MYH15: variants seen among roughly 807,000 people sequenced by gnomAD.
MYH15 encodes the protein myosin heavy chain 15.
A neutral mutation model predicts 240.5 loss-of-function variants in MYH15; 227 were observed. The observed-to-expected ratio is 0.94, with a 90% CI of 0.85 to 1.05. The LOEUF (loss-of-function observed/expected upper bound fraction) is 1.05. MYH15 is among the 50% of genes least tolerant of loss of function. The pLI is 0.00. For synonymous variants in MYH15, 785 were observed against 796.7 expected (o/e 0.99, Z 0.25); for missense variants, 2,217 against 2,247.5 (o/e 0.99, Z 0.27).
intron 1 of MYH15, among the ~76,000 whole-genome samples, chr3:108,508,660 C>T (rs1171246427): frequency 6.6e-6 from 1 of 152,100 alleles, no homozygotes; most frequent in Non-Finnish European, 1.5e-5. Flanking sequence ...TCAGAGATAA[C>T]CACTGTTATG....
At chr3:108,468,857 T>C (rs1046030980) in intron 14 of MYH15, among the ~76,000 whole-genome samples, 2 of 152,176 alleles carry the variant, frequency 1.3e-5, no homozygotes, top group Non-Finnish European at 2.9e-5. Context: ...TAGGTGACAA[T>C]CGCCAGAAGA....
intron 38 of MYH15, among the ~76,000 whole-genome samples, chr3:108,387,826 A>C (rs990121175): frequency 1.3e-5 from 2 of 152,218 alleles, no homozygotes; most frequent in African/African-American, 2.4e-5. Context: ...GAACCGCTTA[A>C]TAATAAAAGA....
Position 108,388,993 on chromosome 3 carries a change from A to G in MYH15, c.5512T>C (p.Cys1838Arg). The G allele has an allele frequency of 1.9e-6, 3 of 1,613,718 alleles. No homozygotes were observed. The highest frequency in any genetic ancestry group is 4.5e-5 in the East Asian group (2 of 44,842). ...ACCTGATAGGTCAGCTCTTTGATGC[A>G]TCGCTCAAGTCTGCGGGCTCCCCTC... ...AQRGARRLER[C>R]IKELTYQAEE... The change falls in exon 38 of 41, where the codon TGC becomes CGC. Residue 1838 changes from cysteine to arginine, a missense_variant. By Grantham distance (180) the Cys-to-Arg change is radical. Coordinates refer to ENST00000693548, the MANE Select transcript of MYH15 (RefSeq NM_014981.3).
chr3:108,492,164 A>G (rs928146905), intron 9 of MYH15, among the ~76,000 whole-genome samples: 17 of 151,476 alleles, frequency 1.1e-4, no homozygotes, highest in African/African-American at 3.4e-4. Context: ...TATACCACCC[A>G]TGTAGCTCTA....
the MYH15 span, among the ~76,000 whole-genome samples, chr3:108,540,005 A>G: frequency 6.6e-6 from 1 of 152,206 alleles, no homozygotes; most frequent in Non-Finnish European, 1.5e-5. Context: ...CACACAAAAT[A>G]AAATGTATCT....
In MYH15 at chr3:108,470,217, A is replaced by C. The variant is rs764959126; in HGVS notation, c.1384-5T>G. On this transcript the variant is annotated splice_region_variant and splice_polypyrimidine_tract_variant and intron_variant, in intron 13 of 40. Coordinates refer to ENST00000693548, the MANE Select transcript of MYH15 (RefSeq NM_014981.3). ...AAGTTGCTCAAGGCTATTATACTTC[A>C]AGGATATGAATAGGTAAGAAGAAGA... 3 of 1,587,306 alleles carry C rather than the reference A, an allele frequency of 1.9e-6. No individual in the cohort carries two copies. In the South Asian group the frequency reaches 3.4e-5, roughly 18 times the overall value.
At chr3:108,403,496 CT>C (rs34668097) in intron 33 of MYH15, among the ~76,000 whole-genome samples, 74,665 of 133,224 alleles carry the variant, frequency 0.56, 20,865 homozygotes, top group East Asian at 0.98. Context: ...TTGTGTTTGG[CT>C]TTTTTTTTTT....
intron 21 of MYH15, among the ~76,000 whole-genome samples, chr3:108,453,788 T>C (rs2082995733): frequency 6.6e-6 from 1 of 152,208 alleles, no homozygotes; most frequent in African/African-American, 2.4e-5. Flanking sequence ...CCTGAAAGCA[T>C]GACAAGAAAT....
chr3:108,507,522 T>G (rs561563756), intron 1 of MYH15, among the ~76,000 whole-genome samples: 1 of 152,236 alleles, frequency 6.6e-6, no homozygotes, highest in African/African-American at 2.4e-5. Flanking sequence ...CAGGTGGTCC[T>G]TATTTCCCAG....
intron 3 of MYH15, among the ~76,000 whole-genome samples, chr3:108,501,023 C>T (rs2083432921): frequency 6.6e-6 from 1 of 152,182 alleles, no homozygotes; most frequent in South Asian, 2.1e-4. Flanking sequence ...GACTTCTGGC[C>T]TCCAGCATTG....
the MYH15 span, among the ~76,000 whole-genome samples, chr3:108,540,318 T>C: frequency 6.6e-6 from 1 of 152,210 alleles, no homozygotes; most frequent in Non-Finnish European, 1.5e-5. Flanking sequence ...TGACCTACCA[T>C]GTTCCCTTTC....
In MYH15 at chr3:108,441,070, A is replaced by C; in HGVS notation, c.2846T>G (p.Leu949Arg). 1 of 1,614,176 alleles carries C rather than the reference A, an allele frequency of 6.2e-7. No homozygotes were observed. Among genetic ancestry groups the C allele is most frequent in the Non-Finnish European group, 8.5e-7 (1 of 1,180,008 alleles). Reference sequence around the variant, plus strand: ...CTCTGACTTCACCAACATTGTTTCCAGGTCATCGATTTCTTTCTTCAACTC... The same window carrying C: ...CTCTGACTTCACCAACATTGTTTCCCGGTCATCGATTTCTTTCTTCAACTC... ...CFELKKEIDDLETMLVKSEKE... is the reference protein window; with the variant it reads ...CFELKKEIDDRETMLVKSEKE... Residue 949 changes from leucine to arginine, a missense_variant, in exon 23 of 41, where the codon CTG (leucine) becomes CGG (arginine). Coordinates refer to ENST00000693548, the MANE Select transcript of MYH15 (RefSeq NM_014981.3).
Position 108,476,441 on chromosome 3 carries a change from T to C in MYH15, c.1189A>G (p.Lys397Glu), listed in dbSNP as rs761679187. The C allele has an allele frequency of 6.2e-7, 1 of 1,613,362 alleles. No homozygotes were observed. The highest frequency in any genetic ancestry group is 8.5e-7 in the Non-Finnish European group (1 of 1,179,446). ...CTGGTAACATATTCGTTACCAACTT[T>C]GATTCTAGGATGGATCAAGCACTTT... ...LVKCLIHPRI[K>E]VGNEYVTRGQ... Residue 397 changes from lysine to glutamate, a missense_variant, in exon 12 of 41, where the codon AAA becomes GAA. Lys to Glu is a moderately conservative substitution (Grantham distance 56). Coordinates refer to ENST00000693548, the MANE Select transcript of MYH15 (RefSeq NM_014981.3).
chr3:108,519,233 A>G (rs544364140), intron 1 of MYH15, among the ~76,000 whole-genome samples: 4 of 152,328 alleles, frequency 2.6e-5, no homozygotes, highest in East Asian at 3.9e-4. Flanking sequence ...TTTGTGGTTC[A>G]AAAGAAGTAT....
At chr3:108,512,593 G>A (rs2083529866), upstream of MYH15, among the ~76,000 whole-genome samples, 1 of 152,210 alleles carries the variant, frequency 6.6e-6, no homozygotes, top group South Asian at 2.1e-4. Context: ...GTCTGTCTGA[G>A]TAGTGAGAGA....
intron 35 of MYH15, among the ~76,000 whole-genome samples, chr3:108,397,633 T>C (rs2107539968): frequency 6.6e-6 from 1 of 152,332 alleles, no homozygotes; most frequent in South Asian, 2.1e-4. Context: ...TAGATGTTTG[T>C]CCTAGAAACT....
chr3:108,449,271 A>G (rs1434760806), intron 21 of MYH15, among the ~76,000 whole-genome samples: 1 of 152,022 alleles, frequency 6.6e-6, no homozygotes, highest in Non-Finnish European at 1.5e-5. Flanking sequence ...TGGAACCACA[A>G]AAGACCTCAA....
At chr3:108,435,981 C>T (rs1460947125) in intron 25 of MYH15, among the ~76,000 whole-genome samples, 1 of 151,764 alleles carries the variant, frequency 6.6e-6, no homozygotes, top group Non-Finnish European at 1.5e-5. Flanking sequence ...ACATTGAGTT[C>T]ATTAGTGCAA....
At chr3:108,466,863 T>C (rs1441904753) in intron 14 of MYH15, among the ~76,000 whole-genome samples, 1 of 152,192 alleles carries the variant, frequency 6.6e-6, no homozygotes, top group Non-Finnish European at 1.5e-5. Flanking sequence ...TTGGATGTCA[T>C]ATGTTCAGCC....
Sources: gnomAD v4.1 joint callset for allele counts (sites outside exome capture counted in the v4.1 genomes callset) on GRCh38, gnomAD v4.1.1 for gene constraint, MANE v1.5 for transcripts, NCBI Gene and HGNC (gene_info 2026-07-23, HGNC 2026-07-21) for gene names.